The following TLCD3B variants were observed in gnomAD, a reference collection of about 807,000 sequenced individuals.
The protein encoded by TLCD3B is TLC domain containing 3B.
In TLCD3B, 9 loss-of-function variants were observed where a neutral mutation model predicts 23.0. The ratio of observed to expected loss-of-function variants is 0.39; its 90% CI spans 0.24 to 0.68. The LOEUF (loss-of-function observed/expected upper bound fraction) is 0.68, where lower values mean the gene tolerates loss of function less well. Among genes scored for constraint, TLCD3B ranks in the 30% least tolerant of loss-of-function variants. TLCD3B has a pLI of 0.44. For synonymous variants in TLCD3B, 161 were observed against 161.0 expected, an observed-to-expected ratio of 1.00 and a Z score of 0.00; for missense variants, 307 against 371.8, an observed-to-expected ratio of 0.83 and a Z score of 1.43.
intron 3 of TLCD3B, among the ~76,000 whole-genome samples, chr16:30,037,740 A>G (rs1053795567): frequency 6.6e-6 from 1 of 151,830 alleles, no homozygotes; most frequent in Non-Finnish European, 1.5e-5. Context: ...CTGCCCCCCC[A>G]AAAAAGTAGT....
chr16:30,048,159 A>C (rs1455639960), intron 1 of TLCD3B, among the ~76,000 whole-genome samples: 2 of 151,176 alleles, frequency 1.3e-5, no homozygotes, highest in African/African-American at 4.9e-5. Flanking sequence ...AAAAAAAAAA[A>C]ACCACCACCA....
chr16:30,048,333 A>G (rs548141447), intron 1 of TLCD3B, among the ~76,000 whole-genome samples: 6 of 151,756 alleles, frequency 4.0e-5, no homozygotes, highest in African/African-American at 1.5e-4. Flanking sequence ...CTGGTCTTGA[A>G]CTCCTGGGCT....
upstream of TLCD3B, chr16:30,035,625 C>A: frequency 6.1e-6 from 4 of 653,864 alleles, no homozygotes; most frequent in Non-Finnish European, 8.7e-6. Context: ...ACCAGGCAAA[C>A]CTCTTCTCTA....
At chr16:30,035,212 T>C (rs1333172987), upstream of TLCD3B, 38 of 996,944 alleles carry the variant, frequency 3.8e-5, no homozygotes, top group Non-Finnish European at 4.9e-5. Context: ...ACGCCCAGCC[T>C]GCTGGTGTCT....
chr16:30,037,801 G>C (rs761825840), intron 3 of TLCD3B, among the ~76,000 whole-genome samples: 8 of 152,106 alleles, frequency 5.3e-5, no homozygotes, highest in Non-Finnish European at 1.2e-4. Context: ...GGTAAAGAAG[G>C]CCATTTCTAC....
upstream of TLCD3B, chr16:30,036,086 T>C: frequency 4.1e-6 from 5 of 1,216,990 alleles, no homozygotes; most frequent in Non-Finnish European, 5.2e-6. Flanking sequence ...AACTCCACCA[T>C]TTTCCATCTT....
At chr16:30,047,112 C>T (rs921126879) in intron 1 of TLCD3B, among the ~76,000 whole-genome samples, 3 of 151,940 alleles carry the variant, frequency 2.0e-5, no homozygotes, top group Admixed American at 1.3e-4. Flanking sequence ...AGGCATGAGC[C>T]ACCATGCCCT....
intron 2 of TLCD3B, among the ~76,000 whole-genome samples, chr16:30,028,851 G>C (rs1295546905): frequency 6.6e-6 from 1 of 152,116 alleles, no homozygotes; most frequent in Non-Finnish European, 1.5e-5. Flanking sequence ...TCTCCTCCCC[G>C]TCCCCCCGCC....
rs1033956807 is a variant in TLCD3B at position 30,025,249 on chromosome 16, G to A, written c.759C>T (p.Cys253=). 9.8e-6 allele frequency: 15 copies of A among 1,534,904 alleles called. No homozygotes were observed. Residue 253 remains cysteine (C), a synonymous_variant, in exon 5 of 5, where the codon TGC becomes TGT. Coordinates refer to ENST00000380495, the MANE Select transcript of TLCD3B (RefSeq NM_031478.6). The surrounding 1 kb of genome is among the most constrained non-coding windows in gnomAD (Gnocchi z 4.1). ...GCCAGAAGAGGCGGCAGGCCCCACG[G>A]CAGATGAGGAAGAACCAGTAGAGCT... The part of the protein sequence containing the change: ...APQLYWFFLI[C]RGACRLFWPR...
In TLCD3B at chr16:30,025,337, A is replaced by G; in HGVS notation, c.671T>C (p.Leu224Pro). ...AYGRHAGLPL[L>P]AVPLAIPAHV... ...GGCAGGGATGGCCAGGGGCACGGCCAGCAGGGGCAGGCCGGCATGGCGCCC... is the reference window on the plus strand; with the variant it reads ...GGCAGGGATGGCCAGGGGCACGGCCGGCAGGGGCAGGCCGGCATGGCGCCC... The change falls in exon 5 of 5, where the codon CTG becomes CCG. Residue 224 changes from leucine (L) to proline (P), a missense_variant. Leu to Pro is a moderately conservative substitution (Grantham distance 98, BLOSUM62 -3). Coordinates refer to ENST00000380495, the MANE Select transcript of TLCD3B (RefSeq NM_031478.6). The surrounding 1 kb of genome is among the most constrained non-coding windows in gnomAD (Gnocchi z 4.1). 1 of 1,583,600 alleles carries G rather than the reference A, an allele frequency of 6.3e-7. No homozygotes were observed. Among genetic ancestry groups the G allele is most frequent in the Non-Finnish European group, 8.6e-7 (1 of 1,164,036 alleles).
At position 30,025,134 on chromosome 16, in the gene TLCD3B, G is replaced by C; in HGVS notation, c.*49C>G. On this transcript the variant is annotated 3_prime_UTR_variant, in exon 5 of 5. Transcript: ENST00000380495. This position sits in a 1 kb window ranked among gnomAD's most constrained non-coding sequence, Gnocchi z 4.1. The stretch of plus-strand genomic sequence containing the variant: ...CCCCAGCCATCAGCCCCAGAGCCCT[G>C]TCTCCACGGGGGTGGGGGTGGGGAG... 1 of 1,274,160 alleles carries C rather than the reference G, an allele frequency of 7.8e-7. No homozygotes were observed. Among genetic ancestry groups the C allele is most frequent in the Non-Finnish European group, 1.0e-6 (1 of 954,444 alleles). The allele number at this position is 1,274,160 out of a possible 1,614,324, so 78.9% of individuals were successfully genotyped here.
Position 30,030,845 on chromosome 16 carries a change from G to C in TLCD3B, c.-318C>G, listed in dbSNP as rs1344357404. The C allele has an allele frequency of 9.5e-6, 10 of 1,048,718 alleles. No homozygotes were observed. In the Admixed American group the frequency reaches 4.5e-4, roughly 47 times the overall value. The allele number at this position is 1,048,718 out of a possible 1,614,324, so 65.0% of individuals were successfully genotyped here. A position where few individuals can be genotyped will look rare whatever the true frequency, so the allele number is the denominator to read the frequency against. On this transcript the variant is annotated 5_prime_UTR_variant, in exon 1 of 5. Coordinates refer to ENST00000380495, the MANE Select transcript of TLCD3B (RefSeq NM_031478.6). ...GGACAGAGAGGAAGAGGGGACAGGA[G>C]GAGGAGGATGCGGATGGGGGAGGGG...
At chr16:30,051,407 C>T (rs2071747817) in intron 1 of TLCD3B, among the ~76,000 whole-genome samples, 1 of 151,220 alleles carries the variant, frequency 6.6e-6, no homozygotes, top group Admixed American at 6.6e-5. Flanking sequence ...GTGGCACTTC[C>T]AGCTACTCTG....
Position 30,052,523 on chromosome 16 carries a change from C to G in TLCD3B, c.-294+251G>C, listed in dbSNP as rs577953210. ...ACCAGCCTGGTCAACATTGCGAAAC[C>G]CTGTCTCTACTAAAAATACAAAAAT... On this transcript the variant is annotated intron_variant, in intron 1 of 6. Transcript: ENST00000561666. 3.3e-5 allele frequency among the ~76,000 whole-genome samples: 5 copies of G among 151,558 alleles called. No homozygotes were observed. In the South Asian group the frequency reaches 6.3e-4, roughly 19 times the overall value.
upstream of TLCD3B, chr16:30,035,270 C>G: frequency 7.9e-7 from 1 of 1,265,546 alleles, no homozygotes; most frequent in Admixed American, 2.4e-5. Context: ...TCTGCTTTCA[C>G]CACAAACTCA....
At chr16:30,034,824 T>A (rs1422231193), upstream of TLCD3B, among the ~76,000 whole-genome samples, 2 of 152,082 alleles carry the variant, frequency 1.3e-5, no homozygotes, top group East Asian at 3.8e-4. Context: ...GGGGTGTTAT[T>A]ATTAAGCCCA....
chr16:30,037,125 A>C (rs116333442), intron 3 of TLCD3B, among the ~76,000 whole-genome samples: 2,406 of 151,398 alleles, frequency 0.016, 63 homozygotes, highest in African/African-American at 0.055. Context: ...TAAAAAAAAA[A>C]CAGCAAGTGC....
At chr16:30,030,117 G>A in intron 1 of TLCD3B, 1 of 1,438,002 alleles carries the variant, frequency 7.0e-7, no homozygotes. Context: ...TTATAGGAAT[G>A]TCTTCGCCGC....
rs2071286665 is a variant in TLCD3B, at chr16:30,029,512, C to T, written c.129G>A (p.Leu43=). 6.2e-7 allele frequency: 1 copy of T among 1,613,522 alleles called. No individual in the cohort carries two copies. Among genetic ancestry groups the T allele is most frequent in the African/African-American group, 1.3e-5 (1 of 74,912 alleles). The change falls in exon 2 of 5, where the codon CTG becomes CTA. Residue 43 remains leucine, a synonymous_variant. Transcript: ENST00000380495. This position sits in a 1 kb window ranked among gnomAD's most constrained non-coding sequence, Gnocchi z 4.6. ...EADAVIVSAR[L]VSSVQAIMAS... ...CCATGATGGCCTGGACAGAGGACAC[C>T]AGCCTGGGGGAGAGAGGGAGGCGTG...
Sources: gnomAD v4.1 joint callset for allele counts (sites outside exome capture counted in the v4.1 genomes callset) on GRCh38, gnomAD v4.1.1 for gene constraint, Gnocchi (gnomAD v3.1) non-coding constraint, MANE v1.5 for transcripts, NCBI Gene and HGNC (gene_info 2026-07-23, HGNC 2026-07-21) for gene names.